Variants in SLC25A12 observed in about 807,000 individuals in gnomAD.
The protein encoded by SLC25A12 is electrogenic aspartate/glutamate antiporter SLC25A12, mitochondrial.
Under a neutral mutation model 83.3 loss-of-function variants are expected in SLC25A12, and 32 were observed. The ratio of observed to expected loss-of-function variants is 0.38; its 90% CI spans 0.29 to 0.52. The LOEUF (loss-of-function observed/expected upper bound fraction) is 0.52, where lower values mean the gene tolerates loss of function less well. Ranked by LOEUF, SLC25A12 falls within the 20% of genes least tolerant of loss-of-function variation. SLC25A12 has a pLI of 0.84. For synonymous variants in SLC25A12, 267 were observed against 291.1 expected (o/e 0.92, Z 0.84); for missense variants, 611 against 835.6 (o/e 0.73, Z 3.31).
intron 2 of SLC25A12, among the ~76,000 whole-genome samples, chr2:171,891,569 C>T (rs753617312): frequency 6.6e-6 from 1 of 152,204 alleles, no homozygotes; most frequent in Non-Finnish European, 1.5e-5. Flanking sequence ...TGGGAATTAA[C>T]TCCGTATTCC....
At position 171,826,897 on chromosome 2, in the gene SLC25A12, T is replaced by C. The variant is rs757804044; in HGVS notation, c.846-15A>G. The C allele has an allele frequency of 6.0e-6, 9 of 1,489,826 alleles. No homozygotes were observed. In the Admixed American group the frequency reaches 6.7e-5, roughly 11 times the overall value. The allele number at this position is 1,489,826 out of a possible 1,614,324, so 92.3% of individuals were successfully genotyped here. On this transcript the variant is annotated splice_polypyrimidine_tract_variant and intron_variant, in intron 8 of 17. Coordinates refer to ENST00000422440, the MANE Select transcript of SLC25A12 (RefSeq NM_003705.5). ...AAGTCAAGCGCCTTCAGGAAAAATA[T>C]AGGAAAGAATTGTTAGACACTGACA...
At chr2:171,788,551 G>GA (rs1690532447) in intron 15 of SLC25A12, 1 of 156,332 alleles carries the variant, frequency 6.4e-6, no homozygotes, top group African/African-American at 2.4e-5. Context: ...AACAACAGGG[G>GA]AGCTGGTCAG....
chr2:171,800,498 G>A (rs1683688920), intron 13 of SLC25A12, among the ~76,000 whole-genome samples: 1 of 152,172 alleles, frequency 6.6e-6, no homozygotes, highest in Non-Finnish European at 1.5e-5. Flanking sequence ...TAGTGAAGAT[G>A]TGGAACAACT....
intron 13 of SLC25A12, among the ~76,000 whole-genome samples, chr2:171,800,323 T>TCACA (rs60362750): frequency 0.034 from 5,063 of 149,478 alleles, 106 homozygotes; most frequent in Admixed American, 0.074. Context: ...AACAGATACT[T>TCACA]CACACACACA....
intron 2 of SLC25A12, among the ~76,000 whole-genome samples, chr2:171,876,201 T>A (rs1685566646): frequency 6.6e-6 from 1 of 152,132 alleles, no homozygotes; most frequent in South Asian, 2.1e-4. Context: ...TTTCTCCAGC[T>A]CTCCTACTCT....
intron 15 of SLC25A12, among the ~76,000 whole-genome samples, chr2:171,789,819 G>A (rs576696168): frequency 2.6e-5 from 4 of 151,996 alleles, no homozygotes; most frequent in African/African-American, 7.2e-5. Context: ...GCTTGAACCC[G>A]GGAGGCAGAG....
At chr2:171,864,327 A>G (rs1685235654) in intron 3 of SLC25A12, among the ~76,000 whole-genome samples, 1 of 152,216 alleles carries the variant, frequency 6.6e-6, no homozygotes, top group Non-Finnish European at 1.5e-5. Flanking sequence ...CAACTATTAC[A>G]TTCACTCCAT....
At chr2:171,842,422 G>A (rs139016023) in intron 5 of SLC25A12, among the ~76,000 whole-genome samples, 5 of 152,082 alleles carry the variant, frequency 3.3e-5, no homozygotes, top group Non-Finnish European at 5.9e-5. Context: ...GTGAAACCCT[G>A]TCTCTACTAA....
In SLC25A12 at chr2:171,851,229, T is replaced by C. The variant is rs188003234; in HGVS notation, c.325+4605A>G. Among the ~76,000 whole-genome samples, 362 of 151,928 alleles carry C rather than the reference T, an allele frequency of 2.4e-3. 3 individuals carry two copies. The highest frequency in any genetic ancestry group is 4.4e-3 in the Non-Finnish European group (297 of 67,892). On this transcript the variant is annotated intron_variant, in intron 4 of 17. Transcript: ENST00000422440. ...TTTTTTTGGAGACGGAGTTGCACTCTTTCACCCAGGCTGGAGTGCAGTGGC... is the reference window on the plus strand; with the variant it reads ...TTTTTTTGGAGACGGAGTTGCACTCCTTCACCCAGGCTGGAGTGCAGTGGC...
intron 4 of SLC25A12, among the ~76,000 whole-genome samples, chr2:171,849,349 A>T (rs553184690): frequency 6.6e-6 from 1 of 152,010 alleles, no homozygotes; most frequent in Non-Finnish European, 1.5e-5. Flanking sequence ...GAGTACTAAA[A>T]AAAAAAGCAA....
chr2:171,886,656 C>G (rs1685827212), intron 2 of SLC25A12, among the ~76,000 whole-genome samples: 2 of 151,840 alleles, frequency 1.3e-5, no homozygotes. Context: ...ACTACAGGCA[C>G]CCGCCACCAT....
chr2:171,813,895 A>G (rs1431050438), intron 10 of SLC25A12, among the ~76,000 whole-genome samples: 2 of 152,236 alleles, frequency 1.3e-5, no homozygotes, highest in Non-Finnish European at 2.9e-5. Flanking sequence ...TCTTAAAATG[A>G]CTATATCCGT....
At chr2:171,892,286 C>T (rs1685956472) in intron 2 of SLC25A12, among the ~76,000 whole-genome samples, 1 of 150,840 alleles carries the variant, frequency 6.6e-6, no homozygotes, top group Admixed American at 6.6e-5. Flanking sequence ...AGTGCAGTGG[C>T]ACGATCTCGA....
chr2:171,819,434 AAT>A lies in SLC25A12; in HGVS notation c.931-4234_931-4233del, dbSNP rs1185220329. Among the ~76,000 whole-genome samples, 20 of 91,968 alleles carry A rather than the reference AAT, an allele frequency of 2.2e-4. No homozygotes were observed. In the Admixed American group the frequency reaches 2.8e-3, roughly 13 times the overall value. The allele number at this position is 91,968 out of a possible 152,430, so 60.3% of individuals were successfully genotyped here. On this transcript the variant is annotated intron_variant, in intron 9 of 17. Transcript: ENST00000422440. ...TATATAATTATGTTATATACATAAT[AAT>A]ATATAATATATAATACTTATTATAT...
intron 8 of SLC25A12, among the ~76,000 whole-genome samples, chr2:171,828,228 G>C (rs1684352824): frequency 6.6e-6 from 1 of 152,216 alleles, no homozygotes; most frequent in South Asian, 2.1e-4. Flanking sequence ...AAGTGAATGG[G>C]GATAGCTGCC....
intron 15 of SLC25A12, 62 bp downstream of exon 15, chr2:171,791,389 G>C: frequency 7.5e-7 from 1 of 1,333,388 alleles, no homozygotes; most frequent in East Asian, 2.3e-5. Context: ...AAAGTACATA[G>C]AGATTCTGTA....
At chr2:171,841,950 G>A (rs1684680788) in intron 5 of SLC25A12, among the ~76,000 whole-genome samples, 1 of 152,178 alleles carries the variant, frequency 6.6e-6, no homozygotes, top group Non-Finnish European at 1.5e-5. Flanking sequence ...TGGTGCAGCT[G>A]CTGTGGAAAA....
In SLC25A12 at chr2:171,813,240, C is replaced by T. The variant is rs537834220; in HGVS notation, c.1171+99G>A. The stretch of plus-strand genomic sequence containing the variant: ...AAAGAGAGAAACAGACCTAGTCTGG[C>T]TAGGCATACTACATATTGGCTTCCA... On this transcript the variant is annotated intron_variant, in intron 11 of 17. Transcript: ENST00000422440. The T allele has an allele frequency of 1.6e-5, 20 of 1,218,214 alleles. No individual in the cohort carries two copies. In the East Asian group the frequency reaches 4.2e-4, roughly 25 times the overall value. 75.5% of individuals were successfully genotyped at this position (1,218,214 alleles called of 1,614,324 possible).
intron 2 of SLC25A12, among the ~76,000 whole-genome samples, chr2:171,884,335 C>T (rs1325951580): frequency 1.3e-5 from 2 of 151,712 alleles, no homozygotes; most frequent in Non-Finnish European, 1.5e-5. Flanking sequence ...GGATTACAGG[C>T]GCCCGCCACC....
Sources: gnomAD v4.1 joint callset for allele counts (sites outside exome capture counted in the v4.1 genomes callset) on GRCh38, gnomAD v4.1.1 for gene constraint, MANE v1.5 for transcripts, NCBI Gene and HGNC (gene_info 2026-07-23, HGNC 2026-07-21) for gene names.